The following MYOCD variants were observed in gnomAD, a reference collection of about 807,000 sequenced individuals.
The protein encoded by MYOCD is myocardin.
A neutral mutation model predicts 96.1 loss-of-function variants in MYOCD; 32 were observed. The ratio of observed to expected loss-of-function variants is 0.33; its 90% CI spans 0.25 to 0.45. The LOEUF (loss-of-function observed/expected upper bound fraction) is 0.45. Ranked by LOEUF, MYOCD falls within the 20% of genes least tolerant of loss-of-function variation. The pLI is 1.00. For missense variants in MYOCD, 1,133 were observed against 1,200.6 expected, an observed-to-expected ratio of 0.94 and a Z score of 0.83; for synonymous variants, 469 against 469.0, an observed-to-expected ratio of 1.00 and a Z score of 0.00.
chr17:12,751,640 C>A (rs8068275), intron 9 of MYOCD, among the ~76,000 whole-genome samples: 1 of 152,044 alleles, frequency 6.6e-6, no homozygotes, highest in Non-Finnish European at 1.5e-5. Context: ...TTTTAACCCT[C>A]ACAAAAATGC....
intron 1 of MYOCD, among the ~76,000 whole-genome samples, chr17:12,691,522 T>C (rs912593510): frequency 6.6e-6 from 1 of 152,218 alleles, no homozygotes; most frequent in African/African-American, 2.4e-5. Flanking sequence ...TACCTGACTG[T>C]TGCCATGGAG....
At chr17:12,710,993 G>A (rs1308259253) in intron 2 of MYOCD, among the ~76,000 whole-genome samples, 2 of 152,116 alleles carry the variant, frequency 1.3e-5, no homozygotes, top group Non-Finnish European at 2.9e-5. Flanking sequence ...GTTCACAGAT[G>A]TTGCAATCAA....
rs1316122266 is a variant in MYOCD at position 12,676,163 on chromosome 17, T to C, written c.55+9920T>C. ...AGATTTAGAGGACGTGGACACTAAA[T>C]AAAATTTGATTACATATTTTAATCC... On this transcript the variant is annotated intron_variant, in intron 1 of 13. Transcript: ENST00000425538. Among the ~76,000 whole-genome samples the C allele has an allele frequency of 3.3e-5, 5 of 151,840 alleles. No individual in the cohort carries two copies. In the East Asian group the frequency reaches 9.7e-4, roughly 29 times the overall value.
At chr17:12,698,936 G>C (rs902340140) in intron 1 of MYOCD, among the ~76,000 whole-genome samples, 1 of 151,364 alleles carries the variant, frequency 6.6e-6, no homozygotes, top group Non-Finnish European at 1.5e-5. Context: ...TAAAGACGGG[G>C]TTTCACCGTG....
chr17:12,703,188 A>G (rs368551497), intron 1 of MYOCD, among the ~76,000 whole-genome samples: 32 of 151,388 alleles, frequency 2.1e-4, no homozygotes, highest in African/African-American at 7.5e-4. Flanking sequence ...TCTAGCTTTC[A>G]TTGTTTCTGA....
chr17:12,693,524 C>T (rs553197547), intron 1 of MYOCD, among the ~76,000 whole-genome samples: 2 of 151,756 alleles, frequency 1.3e-5, no homozygotes, highest in East Asian at 3.9e-4. Context: ...GCAGGAGATT[C>T]GCTTGAACCT....
At position 12,679,279 on chromosome 17, in the gene MYOCD, G is replaced by A. The variant is rs78339992; in HGVS notation, c.55+13036G>A. Among the ~76,000 whole-genome samples, 815 of 152,234 alleles carry A rather than the reference G, an allele frequency of 5.4e-3. 3 individuals carry two copies. The highest frequency in any genetic ancestry group is 0.019 in the African/African-American group (781 of 41,534). Reference sequence around the variant, plus strand: ...AGATTGAAAGAATTAGATGAGAAGGGGAGATGGAAATTCAGCAAATGTAAC... The same window carrying A: ...AGATTGAAAGAATTAGATGAGAAGGAGAGATGGAAATTCAGCAAATGTAAC... On this transcript the variant is annotated intron_variant, in intron 1 of 13. Transcript: ENST00000425538.
chr17:12,693,477 G>C (rs367700448), intron 1 of MYOCD, among the ~76,000 whole-genome samples: 1 of 151,938 alleles, frequency 6.6e-6, no homozygotes, highest in Non-Finnish European at 1.5e-5. Flanking sequence ...GGACATGATG[G>C]TGTGTGTCTG....
chr17:12,734,828 G>A (rs933314346), intron 5 of MYOCD, among the ~76,000 whole-genome samples: 2 of 152,050 alleles, frequency 1.3e-5, no homozygotes, highest in Non-Finnish European at 2.9e-5. Flanking sequence ...ATTTTTCTAA[G>A]GTATGAATTT....
At chr17:12,673,668 C>G (rs1028035077) in intron 1 of MYOCD, among the ~76,000 whole-genome samples, 1 of 152,130 alleles carries the variant, frequency 6.6e-6, no homozygotes, top group African/African-American at 2.4e-5. Context: ...ATATTTTCCT[C>G]CCTTTGGATT....
intron 1 of MYOCD, among the ~76,000 whole-genome samples, chr17:12,687,565 C>T (rs2030192926): frequency 6.6e-6 from 1 of 152,074 alleles, no homozygotes; most frequent in Non-Finnish European, 1.5e-5. Flanking sequence ...TTTCTTCTTT[C>T]CCCAAATGAT....
intron 1 of MYOCD, among the ~76,000 whole-genome samples, chr17:12,704,070 G>T (rs2150672557): frequency 6.6e-6 from 1 of 152,142 alleles, no homozygotes; most frequent in South Asian, 2.1e-4. Context: ...TTTAGAATTG[G>T]TCACATTTTC....
At chr17:12,688,434 C>T (rs1174861294) in intron 1 of MYOCD, among the ~76,000 whole-genome samples, 1 of 152,078 alleles carries the variant, frequency 6.6e-6, no homozygotes, top group Non-Finnish European at 1.5e-5. Flanking sequence ...TTTTTCCTTC[C>T]TTTCCTTCCT....
Position 12,756,479 on chromosome 17 carries a change from C to T in MYOCD, c.2124C>T (p.Pro708=), listed in dbSNP as rs1449169406. The part of the protein sequence containing the change: ...FSPHSSSLHP[P]FSGAQADSSH... ...CCCATTCTTCCAGCCTCCACCCGCC[C>T]TTCTCTGGAGCCCAAGCAGACAGCA... Residue 708 remains proline (P), a synonymous_variant, in exon 11 of 14, where the codon CCC becomes CCT. Transcript: ENST00000425538. The T allele has an allele frequency of 1.3e-6, 2 of 1,551,960 alleles. No individual in the cohort carries two copies. The highest frequency in any genetic ancestry group is 8.7e-7 in the Non-Finnish European group (1 of 1,147,070).
chr17:12,742,955 T>G (rs1007877486), intron 7 of MYOCD, among the ~76,000 whole-genome samples: 4 of 152,218 alleles, frequency 2.6e-5, no homozygotes, highest in Non-Finnish European at 5.9e-5. Flanking sequence ...AGGAGCAGGT[T>G]ATAGACATAA....
At chr17:12,709,997 T>A (rs1467487400) in intron 2 of MYOCD, among the ~76,000 whole-genome samples, 5 of 152,154 alleles carry the variant, frequency 3.3e-5, no homozygotes, top group African/African-American at 4.8e-5. Context: ...TTTCAGTAAA[T>A]CTTTATTAAT....
chr17:12,763,047 C>T, intron 13 of MYOCD, 26 bp from the exon 14 acceptor site: 3 of 1,564,240 alleles, frequency 1.9e-6, no homozygotes, highest in Non-Finnish European at 2.6e-6. Flanking sequence ...AGTGATTTAA[C>T]AAGTCACATC....
chr17:12,685,061 C>T lies in MYOCD; in HGVS notation c.55+18818C>T, dbSNP rs181908222. Among the ~76,000 whole-genome samples the T allele has an allele frequency of 2.9e-3, 445 of 152,030 alleles. 1 individual carries two copies. Among genetic ancestry groups the T allele is most frequent in the African/African-American group, 9.9e-3 (412 of 41,456 alleles). On this transcript the variant is annotated intron_variant, in intron 1 of 13. Coordinates refer to ENST00000425538, the MANE Select transcript of MYOCD (RefSeq NM_001146312.3). ...CTGTAATCCCAGCACTTTGGAAGAC[C>T]GAATCAGGTGGATAACTTGAGGTCA...
At chr17:12,729,115 G>A (rs1336336845) in intron 5 of MYOCD, among the ~76,000 whole-genome samples, 1 of 152,164 alleles carries the variant, frequency 6.6e-6, no homozygotes, top group Non-Finnish European at 1.5e-5. Context: ...TGAGATGGTA[G>A]GGCTGTTTGC....
Sources: gnomAD v4.1 joint callset for allele counts (sites outside exome capture counted in the v4.1 genomes callset) on GRCh38, gnomAD v4.1.1 for gene constraint, MANE v1.5 for transcripts, NCBI Gene and HGNC (gene_info 2026-07-23, HGNC 2026-07-21) for gene names.